RBBP8: variants seen among roughly 807,000 people sequenced by gnomAD.
The protein encoded by RBBP8 is DNA endonuclease RBBP8.
In RBBP8, 88 loss-of-function variants were observed where a neutral mutation model predicts 108.3. The ratio of observed to expected loss-of-function variants is 0.81; its 90% CI spans 0.68 to 0.97. The LOEUF is 0.97. Ranked by LOEUF, RBBP8 falls within the 50% of genes least tolerant of loss-of-function variation. The pLI is 0.00. For missense variants in RBBP8, 1,023 were observed against 1,049.0 expected (o/e 0.98, Z 0.34); for synonymous variants, 332 against 348.2 (o/e 0.95, Z 0.52).
intron 14 of RBBP8, among the ~76,000 whole-genome samples, chr18:23,000,380 G>A (rs2045927157): frequency 6.6e-6 from 1 of 152,100 alleles, no homozygotes; most frequent in African/African-American, 2.4e-5. Flanking sequence ...CTAATTTCTA[G>A]TAATACTAAA....
chr18:22,946,497 G>A lies in RBBP8; in HGVS notation c.152+11G>A, dbSNP rs760797685. 1 of 1,612,190 alleles carries A rather than the reference G, an allele frequency of 6.2e-7. No individual in the cohort carries two copies. The highest frequency in any genetic ancestry group is 1.1e-5 in the South Asian group (1 of 91,004). On this transcript the variant is annotated intron_variant, in intron 3 of 18. Transcript: ENST00000327155. ...ACAGGAACGAATCTTGTAAGTATCA[G>A]TATGTAATACTCATGTGTTATTTAT... is the stretch of plus-strand genomic sequence containing the variant.
intron 4 of RBBP8, among the ~76,000 whole-genome samples, chr18:22,955,579 C>CTTTT (rs746128314): frequency 7.1e-6 from 1 of 140,222 alleles, no homozygotes; most frequent in African/African-American, 2.6e-5. Context: ...AGGTTTATAT[C>CTTTT]TTTTTTTTTT....
At chr18:22,963,624 G>A (rs890112385) in intron 4 of RBBP8, among the ~76,000 whole-genome samples, 1 of 152,104 alleles carries the variant, frequency 6.6e-6, no homozygotes, top group Non-Finnish European at 1.5e-5. Context: ...GTCATCAGAG[G>A]TTCCTTTTAC....
In RBBP8 at chr18:22,993,086, A is replaced by G; in HGVS notation, c.1259A>G (p.Asn420Ser). 6.2e-7 allele frequency: 1 copy of G among 1,613,936 alleles called. No homozygotes were observed. The highest frequency in any genetic ancestry group is 8.5e-7 in the Non-Finnish European group (1 of 1,179,832). Reference protein sequence around the residue: ...KNISESLGEQNRTEYGKDSNT... With the variant: ...KNISESLGEQSRTEYGKDSNT... Reference sequence around the variant, plus strand: ...ATAAGTGAATCCCTAGGTGAACAGAATAGGACTGAGTACGGTAAAGATTCT... The same window carrying G: ...ATAAGTGAATCCCTAGGTGAACAGAGTAGGACTGAGTACGGTAAAGATTCT... The change falls in exon 11 of 19, where the codon AAT becomes AGT. Residue 420 changes from asparagine (N) to serine (S), a missense_variant. Transcript: ENST00000327155.
chr18:23,026,107 A>G, intron 18 of RBBP8, 36 bp from the exon 19 acceptor site: 6 of 1,490,790 alleles, frequency 4.0e-6, no homozygotes, highest in Non-Finnish European at 5.6e-6. Flanking sequence ...TGCATGTTGC[A>G]CATACAGTCT....
chr18:22,928,667 CTTTT>C (rs1161655143), upstream of RBBP8, among the ~76,000 whole-genome samples: 2 of 144,016 alleles, frequency 1.4e-5, no homozygotes, highest in Non-Finnish European at 3.0e-5. Flanking sequence ...AGGCAATAGC[CTTTT>C]TTTCTTTTTT....
chr18:23,022,373 G>C, intron 18 of RBBP8, 103 bp downstream of exon 18: 1 of 1,141,940 alleles, frequency 8.8e-7, no homozygotes, highest in Non-Finnish European at 1.2e-6. Flanking sequence ...GGCCAAGGTG[G>C]GTGGATCACC....
chr18:22,949,846 A>G, intron 4 of RBBP8, 133 bp downstream of exon 4: 2 of 656,834 alleles, frequency 3.0e-6, no homozygotes. Context: ...TTGAATGAAT[A>G]CTTTATGAAA....
chr18:22,963,389 A>G (rs951832307), intron 4 of RBBP8, among the ~76,000 whole-genome samples: 4 of 152,070 alleles, frequency 2.6e-5, no homozygotes, highest in Non-Finnish European at 4.4e-5. Flanking sequence ...TTTTCTTCCT[A>G]TGCAAATTTC....
At chr18:23,024,867 C>G (rs1284078690) in intron 18 of RBBP8, among the ~76,000 whole-genome samples, 14 of 152,132 alleles carry the variant, frequency 9.2e-5, no homozygotes, top group Non-Finnish European at 1.3e-4. Flanking sequence ...AAAATTTTTA[C>G]CCACAAGACG....
At chr18:23,003,675 T>C (rs1182855871) in intron 15 of RBBP8, among the ~76,000 whole-genome samples, 3 of 152,214 alleles carry the variant, frequency 2.0e-5, no homozygotes, top group African/African-American at 7.2e-5. Flanking sequence ...TTGTCACCAA[T>C]TTTCTGATAA....
chr18:23,016,759 A>G, intron 16 of RBBP8, 69 bp from the exon 17 acceptor site: 1 of 1,145,662 alleles, frequency 8.7e-7, no homozygotes, highest in Non-Finnish European at 1.3e-6. Flanking sequence ...ATAAAAATGA[A>G]TGAATGTTTT....
chr18:22,922,343 G>A (rs1909625441), intron 3 of RBBP8, among the ~76,000 whole-genome samples: 1 of 152,010 alleles, frequency 6.6e-6, no homozygotes, highest in African/African-American at 2.4e-5. Context: ...TTAGAAGTTA[G>A]GTAAAGTAGC....
intron 9 of RBBP8, among the ~76,000 whole-genome samples, 166 bp downstream of exon 9, chr18:22,989,484 AG>A (rs1202208715): frequency 2.6e-5 from 4 of 152,240 alleles, no homozygotes; most frequent in Admixed American, 1.3e-4. Flanking sequence ...CCAGCCCAGC[AG>A]TCTCAGAAAT....
At chr18:23,012,207 C>CAAGAAAAAAAAA (rs368600707) in intron 16 of RBBP8, among the ~76,000 whole-genome samples, 1 of 81,144 alleles carries the variant, frequency 1.2e-5, no homozygotes, top group African/African-American at 4.7e-5. Context: ...GATGCTGTCT[C>CAAGAAAAAAAAA]CAAAAAAAAA....
chr18:22,963,314 A>G (rs184221905), intron 4 of RBBP8, among the ~76,000 whole-genome samples: 12 of 151,882 alleles, frequency 7.9e-5, no homozygotes, highest in South Asian at 2.1e-4. Context: ...TTAGATCACT[A>G]TTGAGTTTTT....
chr18:22,972,094 G>A (rs1914139350), intron 5 of RBBP8, among the ~76,000 whole-genome samples: 1 of 150,140 alleles, frequency 6.7e-6, no homozygotes, highest in African/African-American at 2.4e-5. Flanking sequence ...GTTGGCTCAC[G>A]CCTGTAATCC....
chr18:22,968,172 A>G (rs1390082214), intron 4 of RBBP8, among the ~76,000 whole-genome samples: 1 of 151,536 alleles, frequency 6.6e-6, no homozygotes, highest in Non-Finnish European at 1.5e-5. Flanking sequence ...TCCCGGGTTC[A>G]AGCGATTCTT....
At chr18:22,935,353 G>A (rs1355306428) in intron 1 of RBBP8, among the ~76,000 whole-genome samples, 2 of 142,006 alleles carry the variant, frequency 1.4e-5, no homozygotes, top group African/African-American at 2.6e-5. Flanking sequence ...TAAATATCTC[G>A]GTAAATATCC....
Sources: gnomAD v4.1 joint callset for allele counts (sites outside exome capture counted in the v4.1 genomes callset) on GRCh38, gnomAD v4.1.1 for gene constraint, MANE v1.5 for transcripts, NCBI Gene and HGNC (gene_info 2026-07-23, HGNC 2026-07-21) for gene names.